Variants in SHISAL1 observed in about 807,000 individuals in gnomAD.
The protein encoded by SHISAL1 is protein shisa-like-1.
Under a neutral mutation model 22.6 loss-of-function variants are expected in SHISAL1, and 9 were observed. That is an observed-to-expected ratio of 0.40 (90% CI 0.24 to 0.70). The LOEUF (loss-of-function observed/expected upper bound fraction) is 0.70, where lower values mean the gene tolerates loss of function less well. Among genes scored for constraint, SHISAL1 ranks in the 30% least tolerant of loss-of-function variants. SHISAL1 has a pLI of 0.39. For missense variants in SHISAL1, 246 were observed against 270.6 expected (o/e 0.91, Z 0.64); for synonymous variants, 119 against 115.4 (o/e 1.03, Z -0.20).
At chr22:44,263,333 AGTGC>A (rs938815624) in intron 4 of SHISAL1, among the ~76,000 whole-genome samples, 15 of 151,946 alleles carry the variant, frequency 9.9e-5, no homozygotes, top group Non-Finnish European at 8.8e-5. Flanking sequence ...GGCCTCCCAA[AGTGC>A]TGGGATTACA....
intron 2 of SHISAL1, among the ~76,000 whole-genome samples, chr22:44,298,640 T>C (rs2055404241): frequency 6.6e-6 from 1 of 152,134 alleles, no homozygotes; most frequent in African/African-American, 2.4e-5. Flanking sequence ...GCTTAGGCCC[T>C]GGGACCAGCC....
chr22:44,296,603 G>A (rs556796566), intron 3 of SHISAL1, 69 bp downstream of exon 3: 43 of 1,459,298 alleles, frequency 2.9e-5, no homozygotes, highest in African/African-American at 5.6e-5. Flanking sequence ...TAGGGGACGC[G>A]ATTTTGGGAG....
chr22:44,262,913 C>T (rs1215595046), intron 4 of SHISAL1, among the ~76,000 whole-genome samples: 1 of 152,212 alleles, frequency 6.6e-6, no homozygotes, highest in Non-Finnish European at 1.5e-5. Context: ...TAACCCTTCC[C>T]GCAGACGAAA....
At position 44,251,941 on chromosome 22, in the gene SHISAL1, C is replaced by T. The variant is rs200205571; in HGVS notation, c.*-2256G>A. ...TTAAAATGGTAAATGTTATGTTATG[C>T]GCACTTTACCACAATTCATAAAAAG... On this transcript the variant is annotated intron_variant, in intron 4 of 4. Coordinates refer to ENST00000381176, the MANE Select transcript of SHISAL1 (RefSeq NM_001099294.2). Among the ~76,000 whole-genome samples, 121 of 125,588 alleles carry T rather than the reference C, an allele frequency of 9.6e-4. 1 individual carries two copies. The highest frequency in any genetic ancestry group is 3.5e-3 in the African/African-American group (104 of 29,728). The allele number at this position is 125,588 out of a possible 152,430, so 82.4% of individuals were successfully genotyped here. A position where few individuals can be genotyped will look rare whatever the true frequency, so the allele number is the denominator to read the frequency against.
upstream of SHISAL1, among the ~76,000 whole-genome samples, chr22:44,316,079 GCAACAGGA>G (rs1361185801): frequency 2.6e-5 from 4 of 152,178 alleles, no homozygotes; most frequent in African/African-American, 7.2e-5. Flanking sequence ...TCATGCTCCT[GCAACAGGA>G]CATGTCATTC....
intron 4 of SHISAL1, among the ~76,000 whole-genome samples, chr22:44,271,845 C>T (rs2055207569): frequency 6.6e-6 from 1 of 152,166 alleles, no homozygotes; most frequent in Admixed American, 6.5e-5. Context: ...ATGTGGAATT[C>T]CTGTCAAATC....
rs11090626 is a variant in SHISAL1, at chr22:44,244,020, C to T, written c.*5665G>A. On this transcript the variant is annotated 3_prime_UTR_variant, in exon 5 of 5. Transcript: ENST00000381176. ...ACTGAGCCCCTCACCCTTGCAGCCC[C>T]CACCTCGTTACTGCACATTGTCGAG... 15,761 of 152,274 alleles carry T rather than the reference C, an allele frequency of 0.1. 930 individuals carry two copies. Among genetic ancestry groups the T allele is most frequent in the Non-Finnish European group, 0.13 (8,646 of 68,040 alleles). 9.4% of individuals were successfully genotyped at this position (152,274 alleles called of 1,614,324 possible). A position where few individuals can be genotyped will look rare whatever the true frequency, so the allele number is the denominator to read the frequency against.
At position 44,291,504 on chromosome 22, in the gene SHISAL1, C is replaced by T. The variant is rs143961749; in HGVS notation, c.281+5168G>A. Among the ~76,000 whole-genome samples the T allele has an allele frequency of 4.1e-3, 619 of 152,254 alleles. 6 individuals are homozygous for T. Among genetic ancestry groups the T allele is most frequent in the African/African-American group, 0.013 (550 of 41,530 alleles). On this transcript the variant is annotated intron_variant, in intron 3 of 4. Coordinates refer to ENST00000381176, the MANE Select transcript of SHISAL1 (RefSeq NM_001099294.2). ...ATGGAGGGTGTCAGCATGAGTCAGG[C>T]CCCTTGTGTTGGAGGAAGTCCTCAT...
At chr22:44,275,704 C>T (rs756757955) in intron 4 of SHISAL1, among the ~76,000 whole-genome samples, 10 of 152,216 alleles carry the variant, frequency 6.6e-5, no homozygotes, top group Non-Finnish European at 1.3e-4. Flanking sequence ...ACCCAGCTGC[C>T]GTGCAGTTCC....
intron 3 of SHISAL1, among the ~76,000 whole-genome samples, chr22:44,290,016 G>C (rs1414489525): frequency 1.3e-5 from 2 of 152,224 alleles, no homozygotes; most frequent in Non-Finnish European, 2.9e-5. Flanking sequence ...ACCTCTGATG[G>C]AGGAATCTCA....
At chr22:44,303,311 G>A (rs1184473968) in intron 1 of SHISAL1, among the ~76,000 whole-genome samples, 1 of 152,104 alleles carries the variant, frequency 6.6e-6, no homozygotes, top group African/African-American at 2.4e-5. Flanking sequence ...GACTCAGAAG[G>A]TTGACGCTGT....
chr22:44,299,971 T>C (rs535770662), intron 2 of SHISAL1, among the ~76,000 whole-genome samples: 8 of 86,578 alleles, frequency 9.2e-5, no homozygotes, highest in South Asian at 3.5e-4. Context: ...CACAGAGACA[T>C]AGACAGAGAC....
chr22:44,328,274 C>T, the SHISAL1 span, among the ~76,000 whole-genome samples: 1 of 152,124 alleles, frequency 6.6e-6, no homozygotes, highest in Non-Finnish European at 1.5e-5. Flanking sequence ...TGGTTGGGAG[C>T]CTGGTCCTGG....
At chr22:44,292,517 T>C (rs1282264191) in intron 3 of SHISAL1, among the ~76,000 whole-genome samples, 3 of 152,116 alleles carry the variant, frequency 2.0e-5, no homozygotes, top group African/African-American at 7.2e-5. Flanking sequence ...CCTCCCATGG[T>C]GAGGATTAAT....
intron 3 of SHISAL1, among the ~76,000 whole-genome samples, chr22:44,291,613 C>T (rs944424261): frequency 2.6e-5 from 4 of 152,136 alleles, no homozygotes; most frequent in African/African-American, 4.8e-5. Flanking sequence ...GAGGGACCAC[C>T]GTCCATGCCT....
intron 1 of SHISAL1, among the ~76,000 whole-genome samples, chr22:44,311,388 G>T (rs1347492924): frequency 6.6e-6 from 1 of 152,190 alleles, no homozygotes; most frequent in Non-Finnish European, 1.5e-5. Context: ...CTCCCTCAGT[G>T]GATAACCATT....
chr22:44,303,677 G>C (rs56220770), intron 1 of SHISAL1, among the ~76,000 whole-genome samples: 1 of 152,074 alleles, frequency 6.6e-6, no homozygotes, highest in Non-Finnish European at 1.5e-5. Flanking sequence ...TAGGCAGCCC[G>C]AGCAAACAGG....
intron 3 of SHISAL1, among the ~76,000 whole-genome samples, chr22:44,293,357 A>G (rs9614428): frequency 0.15 from 22,682 of 152,100 alleles, 1,766 homozygotes; most frequent in East Asian, 0.26. Flanking sequence ...TTAACTGGAG[A>G]TGATTCTGTG....
chr22:44,321,783 C>T, the SHISAL1 span, among the ~76,000 whole-genome samples: 2 of 152,174 alleles, frequency 1.3e-5, no homozygotes, highest in Non-Finnish European at 2.9e-5. Context: ...TCCTCTGTGG[C>T]TCCTGCAGGC....
Sources: gnomAD v4.1 joint callset for allele counts (sites outside exome capture counted in the v4.1 genomes callset) on GRCh38, gnomAD v4.1.1 for gene constraint, MANE v1.5 for transcripts, NCBI Gene and HGNC (gene_info 2026-07-23, HGNC 2026-07-21) for gene names.